The following RAC3 variants were observed in gnomAD, a reference collection of about 807,000 sequenced individuals.
RAC3 encodes ras-related C3 botulinum toxin substrate 3.
A neutral mutation model predicts 19.0 loss-of-function variants in RAC3; 9 were observed. That is an observed-to-expected ratio of 0.47 (90% CI 0.29 to 0.83). The LOEUF (loss-of-function observed/expected upper bound fraction) is 0.83. Ranked by LOEUF, RAC3 falls within the 40% of genes least tolerant of loss-of-function variation. The probability of loss-of-function intolerance (pLI) is 0.09; values close to 1 mark genes in which losing one functional copy is unlikely to be tolerated. For missense variants in RAC3, 203 were observed against 260.8 expected (o/e 0.78, Z 1.53); for synonymous variants, 146 against 111.8 (o/e 1.31, Z -1.93).
chr17:82,032,647 C>A, intron 2 of RAC3, 64 bp from the exon 3 acceptor site: 1 of 1,511,718 alleles, frequency 6.6e-7, no homozygotes, highest in Non-Finnish European at 9.2e-7. Context: ...AAGACACAGG[C>A]CAGCAGGGCT....
Position 82,033,816 on chromosome 17 carries a change from G to A in RAC3, c.566G>A (p.Cys189Tyr). The A allele has an allele frequency of 6.2e-7, 1 of 1,603,636 alleles. No individual in the cohort carries two copies. The highest frequency in any genetic ancestry group is 8.5e-7 in the Non-Finnish European group (1 of 1,175,584). Residue 189 changes from cysteine (C) to tyrosine (Y), a missense_variant, in exon 6 of 6, where the codon TGC (cysteine) becomes TAC (tyrosine). Coordinates refer to ENST00000306897, the MANE Select transcript of RAC3 (RefSeq NM_005052.3). The surrounding 1 kb of genome is among the most constrained non-coding windows in gnomAD (Gnocchi z 6.2). ...PPPVKKPGKK[C>Y]TVF Reference sequence around the variant, plus strand: ...CCAGTGAAGAAGCCGGGGAAGAAGTGCACCGTCTTCTAGAGCCCTGGCCCA... The same window carrying A: ...CCAGTGAAGAAGCCGGGGAAGAAGTACACCGTCTTCTAGAGCCCTGGCCCA...
rs748660006 is a variant in RAC3, at chr17:82,033,693, C to T, written c.449-6C>T. On this transcript the variant is annotated splice_region_variant and splice_polypyrimidine_tract_variant and intron_variant, in intron 5 of 5. Coordinates refer to ENST00000306897, the MANE Select transcript of RAC3 (RefSeq NM_005052.3). The surrounding 1 kb of genome is among the most constrained non-coding windows in gnomAD (Gnocchi z 6.2). ...CCTCACTGTCTCCCCTCCTCACTGC[C>T]GCTAGGCTCTGTGAAATACCTGGAG... 4.3e-5 allele frequency: 69 copies of T among 1,611,800 alleles called. No homozygotes were observed. Among genetic ancestry groups the T allele is most frequent in the South Asian group, 2.7e-4 (25 of 91,014 alleles).
At position 82,031,748 on chromosome 17, in the gene RAC3, C is replaced by T; in HGVS notation, c.-14C>T. The T allele has an allele frequency of 1.0e-6, 1 of 994,808 alleles. No individual in the cohort carries two copies. Among genetic ancestry groups the T allele is most frequent in the Non-Finnish European group, 1.2e-6 (1 of 838,280 alleles). 61.6% of individuals were successfully genotyped at this position (994,808 alleles called of 1,614,324 possible). On this transcript the variant is annotated 5_prime_UTR_variant, in exon 1 of 6. Transcript: ENST00000306897. ...CGGCTCGCGGCCGCGCCCGCCGCCG[C>T]CCGGCCCGCGCCCATGCAGGCCATC... is the stretch of plus-strand genomic sequence containing the variant.
chr17:82,033,523 C>T lies in RAC3; in HGVS notation c.372C>T (p.Asp124=). 1 of 1,612,960 alleles carries T rather than the reference C, an allele frequency of 6.2e-7. No individual in the cohort carries two copies. The highest frequency in any genetic ancestry group is 1.1e-5 in the South Asian group (1 of 91,078). Residue 124 remains aspartate (D), a synonymous_variant, in exon 5 of 6, where the codon GAC becomes GAT. Transcript: ENST00000306897. This position sits in a 1 kb window ranked among gnomAD's most constrained non-coding sequence, Gnocchi z 6.2. The part of the protein sequence containing the change: ...GTKLDLRDDK[D]TIERLRDKKL... Reference sequence around the variant, plus strand: ...AGCTGGACCTCCGCGACGACAAGGACACCATTGAGCGGCTGCGGGACAAGA... The same window carrying T: ...AGCTGGACCTCCGCGACGACAAGGATACCATTGAGCGGCTGCGGGACAAGA...
rs1323836181 is a variant in RAC3, at chr17:82,031,727, T to TCGCGGC, written c.-30_-25dup. 117 of 984,760 alleles carry TCGCGGC rather than the reference T, an allele frequency of 1.2e-4. No homozygotes were observed. Among genetic ancestry groups the TCGCGGC allele is most frequent in the African/African-American group, 1.8e-4 (10 of 56,122 alleles). 61.0% of individuals were successfully genotyped at this position (984,760 alleles called of 1,614,324 possible). ...GCCGGGCATTTCTCCGCAGCTCGGC[T>TCGCGGC]CGCGGCCGCGCCCGCCGCCGCCCGG... On this transcript the variant is annotated 5_prime_UTR_variant, in exon 1 of 6. Transcript: ENST00000306897.
chr17:82,033,292 C>A lies in RAC3; in HGVS notation c.289-148C>A. The A allele has an allele frequency of 9.6e-7, 1 of 1,045,008 alleles. No homozygotes were observed. The highest frequency in any genetic ancestry group is 1.3e-6 in the Non-Finnish European group (1 of 742,796). 64.7% of individuals were successfully genotyped at this position (1,045,008 alleles called of 1,614,324 possible). On this transcript the variant is annotated intron_variant, in intron 4 of 5. Transcript: ENST00000306897. The surrounding 1 kb of genome is among the most constrained non-coding windows in gnomAD (Gnocchi z 6.2). Reference sequence around the variant, plus strand: ...CGTGTTTGTTCCTGGTATCTCCCCACCAAATCCGCCCCTGGTCACCCCTTG... The same window carrying A: ...CGTGTTTGTTCCTGGTATCTCCCCAACAAATCCGCCCCTGGTCACCCCTTG...
chr17:82,032,430 G>A lies in RAC3; in HGVS notation c.79G>A (p.Ala27Thr), dbSNP rs780227170. Residue 27 changes from alanine to threonine, a missense_variant, in exon 2 of 6, where the codon GCC becomes ACC. Coordinates refer to ENST00000306897, the MANE Select transcript of RAC3 (RefSeq NM_005052.3). Reference protein sequence around the residue: ...TCLLISYTTNAFPGEYIPTVF... With the variant: ...TCLLISYTTNTFPGEYIPTVF... ...CTTGCTGATCAGCTACACGACCAAC[G>A]CCTTCCCCGGAGAGTACATCCCCAC... 2 of 1,612,990 alleles carry A rather than the reference G, an allele frequency of 1.2e-6. No homozygotes were observed. Among genetic ancestry groups the A allele is most frequent in the Non-Finnish European group, 1.7e-6 (2 of 1,179,948 alleles).
chr17:82,033,022 T>G lies in RAC3; in HGVS notation c.288+13T>G. 1 of 1,611,170 alleles carries G rather than the reference T, an allele frequency of 6.2e-7. No homozygotes were observed. Among genetic ancestry groups the G allele is most frequent in the South Asian group, 1.1e-5 (1 of 91,034 alleles). On this transcript the variant is annotated intron_variant, in intron 4 of 5. Transcript: ENST00000306897. This position sits in a 1 kb window ranked among gnomAD's most constrained non-coding sequence, Gnocchi z 6.2. ...TGTTCGTGCCAAGGTAGGGCAAGGC[T>G]GGGGGCCCCTGTGGGGAGAGGGCTT...
intron 2 of RAC3, 56 bp downstream of exon 2, chr17:82,032,514 G>C (rs1466178573): frequency 6.3e-7 from 1 of 1,584,934 alleles, no homozygotes; most frequent in Non-Finnish European, 8.7e-7. Flanking sequence ...TGTGGCATGG[G>C]GGGGACACGG....
At chr17:82,032,492 C>T (rs768301118) in intron 2 of RAC3, 34 bp downstream of exon 2, 2 of 1,605,044 alleles carry the variant, frequency 1.2e-6, no homozygotes, top group Non-Finnish European at 1.7e-6. Flanking sequence ...GAGCACAGGC[C>T]CTCCGTGTGA....
intron 1 of RAC3, 109 bp from the exon 2 acceptor site, chr17:82,032,278 G>T: frequency 1.9e-6 from 2 of 1,049,276 alleles, no homozygotes; most frequent in South Asian, 2.9e-5. Flanking sequence ...TCCCCCTCTC[G>T]ACCCCAGACG....
rs965762599 is a variant in RAC3, at chr17:82,033,328, A to G, written c.289-112A>G. ...CCTGGTCACCCCTTGAAGGAAGAAG[A>G]GCCAAGTGTAGCTCTGGAACAGTGG... On this transcript the variant is annotated intron_variant, in intron 4 of 5. Coordinates refer to ENST00000306897, the MANE Select transcript of RAC3 (RefSeq NM_005052.3). This position sits in a 1 kb window ranked among gnomAD's most constrained non-coding sequence, Gnocchi z 6.2. 7.9e-7 allele frequency: 1 copy of G among 1,261,510 alleles called. No homozygotes were observed. Among genetic ancestry groups the G allele is most frequent in the Non-Finnish European group, 1.1e-6 (1 of 936,606 alleles). 78.1% of individuals were successfully genotyped at this position (1,261,510 alleles called of 1,614,324 possible). A position where few individuals can be genotyped will look rare whatever the true frequency, so the allele number is the denominator to read the frequency against.
rs973406486 is a variant in RAC3 at position 82,031,757 on chromosome 17, C to A, written c.-5C>A. On this transcript the variant is annotated 5_prime_UTR_variant, in exon 1 of 6. Coordinates refer to ENST00000306897, the MANE Select transcript of RAC3 (RefSeq NM_005052.3). ...GCCGCGCCCGCCGCCGCCCGGCCCG[C>A]GCCCATGCAGGCCATCAAGTGCGTG... The A allele has an allele frequency of 1.5e-4, 145 of 996,490 alleles. No homozygotes were observed. Among genetic ancestry groups the A allele is most frequent in the African/African-American group, 3.0e-4 (17 of 56,828 alleles). The allele number at this position is 996,490 out of a possible 1,614,324, so 61.7% of individuals were successfully genotyped here. A position where few individuals can be genotyped will look rare whatever the true frequency, so the allele number is the denominator to read the frequency against.
In RAC3 at chr17:82,033,907, G is replaced by A; in HGVS notation, c.*78G>A. On this transcript the variant is annotated 3_prime_UTR_variant, in exon 6 of 6. Transcript: ENST00000306897. The surrounding 1 kb of genome is among the most constrained non-coding windows in gnomAD (Gnocchi z 6.2). ...CCGCTGTTGTGTTGAGACGTGTGGT[G>A]TCCCTGAGTCGGCTGTGGGGAGCGG... 1.3e-6 allele frequency: 2 copies of A among 1,493,774 alleles called. No homozygotes were observed. Among genetic ancestry groups the A allele is most frequent in the Non-Finnish European group, 1.8e-6 (2 of 1,113,498 alleles). 92.5% of individuals were successfully genotyped at this position (1,493,774 alleles called of 1,614,324 possible).
rs754145627 is a variant in RAC3 at position 82,032,935 on chromosome 17, CT to C, written c.226-7del. 6.2e-7 allele frequency: 1 copy of C among 1,613,516 alleles called. No individual in the cohort carries two copies. Among genetic ancestry groups the C allele is most frequent in the East Asian group, 2.2e-5 (1 of 44,886 alleles). On this transcript the variant is annotated splice_polypyrimidine_tract_variant and intron_variant, in intron 3 of 5. Transcript: ENST00000306897. ...CCCTGACCACTCCACCAGGTCCCAC[CT>C]TTTTCCCAAGGACGTCTTTCTGATC...
At position 82,033,596 on chromosome 17, in the gene RAC3, A is replaced by AT. The variant is rs1446635367; in HGVS notation, c.447dup (p.Gly150TrpfsTer21). 1 of 1,608,566 alleles carries AT rather than the reference A, an allele frequency of 6.2e-7. No homozygotes were observed. Among genetic ancestry groups the AT allele is most frequent in the Non-Finnish European group, 8.5e-7 (1 of 1,177,100 alleles). On this transcript the variant is annotated frameshift_variant, in exon 5 of 6. Coordinates refer to ENST00000306897, the MANE Select transcript of RAC3 (RefSeq NM_005052.3). LOFTEE classifies it high-confidence loss of function. This position sits in a 1 kb window ranked among gnomAD's most constrained non-coding sequence, Gnocchi z 6.2. ...ACAGGGCCTGGCCATGGCCCGGGAG[A>AT]TTGGTGGGTAGGCGCTGGCGGCCTG...
Position 82,034,040 on chromosome 17 carries a change from G to A in RAC3, c.*211G>A. 1 of 544,344 alleles carries A rather than the reference G, an allele frequency of 1.8e-6. No homozygotes were observed. The highest frequency in any genetic ancestry group is 3.0e-6 in the Non-Finnish European group (1 of 333,400). The allele number at this position is 544,344 out of a possible 1,614,324, so 33.7% of individuals were successfully genotyped here. On this transcript the variant is annotated 3_prime_UTR_variant, in exon 6 of 6. Coordinates refer to ENST00000306897, the MANE Select transcript of RAC3 (RefSeq NM_005052.3). The stretch of plus-strand genomic sequence containing the variant: ...CTCCAGCCTTCCCTGGCCCCCGCCG[G>A]AGGCCGGGAGGGAGCAGGGTCTCCC...
chr17:82,033,361 C>T lies in RAC3; in HGVS notation c.289-79C>T. The stretch of plus-strand genomic sequence containing the variant: ...GTAGCTCTGGAACAGTGGGGAAAGT[C>T]CCTGAGGGCCGTGACTTGCTCAGGT... On this transcript the variant is annotated intron_variant, in intron 4 of 5. Coordinates refer to ENST00000306897, the MANE Select transcript of RAC3 (RefSeq NM_005052.3). This position sits in a 1 kb window ranked among gnomAD's most constrained non-coding sequence, Gnocchi z 6.2. 1.4e-6 allele frequency: 2 copies of T among 1,429,904 alleles called. No homozygotes were observed. Among genetic ancestry groups the T allele is most frequent in the Non-Finnish European group, 1.9e-6 (2 of 1,075,278 alleles). The allele number at this position is 1,429,904 out of a possible 1,614,324, so 88.6% of individuals were successfully genotyped here.
In RAC3 at chr17:82,033,542, G is replaced by A; in HGVS notation, c.391G>A (p.Asp131Asn). The A allele has an allele frequency of 6.2e-7, 1 of 1,612,878 alleles. No homozygotes were observed. ...CAAGGACACCATTGAGCGGCTGCGGGACAAGAAGCTGGCACCCATCACCTA... is the reference window on the plus strand; with the variant it reads ...CAAGGACACCATTGAGCGGCTGCGGAACAAGAAGCTGGCACCCATCACCTA... The part of the protein sequence containing the change: ...DDKDTIERLR[D>N]KKLAPITYPQ... Residue 131 changes from aspartate to asparagine, a missense_variant, in exon 5 of 6, where the codon GAC becomes AAC. Physicochemically the swap from Asp to Asn is conservative, Grantham distance 23. Around this residue, in one of 3 missense-constraint regions of RAC3, gnomAD observed 142 missense variants for 158.2 expected, o/e 0.90. Transcript: ENST00000306897. The surrounding 1 kb of genome is among the most constrained non-coding windows in gnomAD (Gnocchi z 6.2).
Sources: gnomAD v4.1 joint callset for allele counts on GRCh38, gnomAD v4.1.1 for gene constraint, gnomAD v4.1.1 regional missense constraint, Gnocchi (gnomAD v3.1) non-coding constraint, MANE v1.5 for transcripts, NCBI Gene and HGNC (gene_info 2026-07-23, HGNC 2026-07-21) for gene names.